RARB: variants seen among roughly 807,000 people sequenced by gnomAD.
The protein encoded by RARB is HBV-activated protein.
RARB carries 17 observed loss-of-function variants against 51.9 expected under a neutral mutation model. The ratio of observed to expected loss-of-function variants is 0.33; its 90% confidence interval spans 0.22 to 0.49. RARB has a LOEUF of 0.49. Among genes scored for constraint, RARB ranks in the 20% least tolerant of loss-of-function variants. The pLI is 0.99. For missense variants in RARB, 369 were observed against 550.8 expected (o/e 0.67, Z 3.30); for synonymous variants, 215 against 195.4 (o/e 1.10, Z -0.84).
At chr3:25,449,953 C>T (rs111266002) in intron 1 of RARB, among the ~76,000 whole-genome samples, 16,691 of 151,944 alleles carry the variant, frequency 0.11, 959 homozygotes, top group African/African-American at 0.14. Flanking sequence ...GGTTTCACTA[C>T]GTTGGCCAGG....
At chr3:25,270,942 C>G (rs868254414) in intron 5 of RARB, among the ~76,000 whole-genome samples, 1 of 152,352 alleles carries the variant, frequency 6.6e-6, no homozygotes, top group Non-Finnish European at 1.5e-5. Context: ...AGCCCCCAGT[C>G]TTCAGGCATT....
chr3:25,473,795 A>T (rs1271422292), intron 2 of RARB, among the ~76,000 whole-genome samples: 1 of 151,616 alleles, frequency 6.6e-6, no homozygotes. Flanking sequence ...TCAGGGCTTC[A>T]TGTAATGTTT....
chr3:24,962,548 G>C (rs192053213), intron 2 of RARB, among the ~76,000 whole-genome samples: 1 of 152,164 alleles, frequency 6.6e-6, no homozygotes, highest in South Asian at 2.1e-4. Flanking sequence ...GAACTAGGCC[G>C]CACAGCAGGA....
Position 25,448,860 on chromosome 3 carries a change from T to G in RARB, c.158-12333T>G, listed in dbSNP as rs535206655. On this transcript the variant is annotated intron_variant, in intron 1 of 7. Transcript: ENST00000330688. ...GGGCACAGTAAGGATGTTCAGTGTC[T>G]ACTTCAAGTTACTCCTCTCACCCCC... Among the ~76,000 whole-genome samples, 426 of 152,276 alleles carry G rather than the reference T, an allele frequency of 2.8e-3. 4 individuals are homozygous for G. The highest frequency in any genetic ancestry group is 0.01 in the Middle Eastern group (3 of 294).
At chr3:25,492,680 G>A (rs1393885871) in intron 2 of RARB, among the ~76,000 whole-genome samples, 1 of 151,612 alleles carries the variant, frequency 6.6e-6, no homozygotes, top group Non-Finnish European at 1.5e-5. Flanking sequence ...TAGCTTTACA[G>A]TGATGATGTT....
At chr3:25,317,256 C>G (rs1379974250) in intron 5 of RARB, among the ~76,000 whole-genome samples, 3 of 151,684 alleles carry the variant, frequency 2.0e-5, no homozygotes, top group African/African-American at 7.3e-5. Context: ...GGATCATTGG[C>G]TGATGACTAG....
At chr3:25,393,149 T>A (rs1390431764) in intron 5 of RARB, among the ~76,000 whole-genome samples, 1 of 152,156 alleles carries the variant, frequency 6.6e-6, no homozygotes, top group Non-Finnish European at 1.5e-5. Flanking sequence ...GAGATGACCA[T>A]GTCATTGTTG....
At chr3:25,197,146 C>T (rs1045232559) in intron 5 of RARB, among the ~76,000 whole-genome samples, 2 of 152,032 alleles carry the variant, frequency 1.3e-5, no homozygotes, top group Non-Finnish European at 2.9e-5. Context: ...CTTGCCCATG[C>T]CTATGTCCTG....
rs183599280 is a variant in RARB at position 25,335,768 on chromosome 3, A to G, written c.179-125425A>G. ...CTCTGTTTCTGCCTCTGACAACCTCATCTATTATGATCTCTGCTATATTCT... is the reference window on the plus strand; with the variant it reads ...CTCTGTTTCTGCCTCTGACAACCTCGTCTATTATGATCTCTGCTATATTCT... On this transcript the variant is annotated intron_variant, in intron 5 of 11. Transcript: ENST00000383772. Among the ~76,000 whole-genome samples the G allele has an allele frequency of 2.6e-5, 4 of 152,350 alleles. No individual in the cohort carries two copies. In the East Asian group the frequency reaches 7.7e-4, roughly 29 times the overall value.
At chr3:25,450,830 A>T (rs1190789770) in intron 1 of RARB, among the ~76,000 whole-genome samples, 2 of 152,162 alleles carry the variant, frequency 1.3e-5, no homozygotes, top group Non-Finnish European at 2.9e-5. Flanking sequence ...TCACGCCTGT[A>T]ATCTCAGCAC....
chr3:25,321,966 T>A (rs1159792861), intron 5 of RARB, among the ~76,000 whole-genome samples: 8 of 151,620 alleles, frequency 5.3e-5, no homozygotes, highest in Admixed American at 1.3e-4. Context: ...GAAGTTCATC[T>A]GAAAAAATTA....
chr3:25,486,135 A>G (rs949918485), intron 2 of RARB, among the ~76,000 whole-genome samples: 1 of 152,152 alleles, frequency 6.6e-6, no homozygotes, highest in Non-Finnish European at 1.5e-5. Flanking sequence ...AAGGGCCCAT[A>G]TTTGGGAGAC....
chr3:25,174,469 C>G (rs766058717), exon 5 of RARB: 15 of 1,352,038 alleles, frequency 1.1e-5, no homozygotes, highest in Middle Eastern at 4.2e-4. Flanking sequence ...CAGCCACACC[C>G]TACCCGTTAC....
chr3:25,268,180 C>G (rs552837958), intron 5 of RARB, among the ~76,000 whole-genome samples: 1 of 152,304 alleles, frequency 6.6e-6, no homozygotes, highest in South Asian at 2.1e-4. Flanking sequence ...CGGTAGATTT[C>G]TCCATCTCCA....
chr3:25,012,761 A>G (rs1027946096), intron 2 of RARB, among the ~76,000 whole-genome samples: 2 of 152,138 alleles, frequency 1.3e-5, no homozygotes, highest in Admixed American at 1.3e-4. Flanking sequence ...AGTGAGAGAT[A>G]TACAAAATTT....
intron 5 of RARB, among the ~76,000 whole-genome samples, chr3:25,210,553 T>TTTTTTTTTAGA (rs869216441): frequency 1.2e-5 from 1 of 82,498 alleles, no homozygotes; most frequent in African/African-American, 4.5e-5. Flanking sequence ...TTTTTTTTTT[T>TTTTTTTTTAGA]GAGATTGAGT....
At chr3:25,106,053 G>A (rs1009519312) in intron 3 of RARB, among the ~76,000 whole-genome samples, 3 of 152,150 alleles carry the variant, frequency 2.0e-5, no homozygotes, top group African/African-American at 7.2e-5. Context: ...AGACAGCAAG[G>A]ACTGTGAGCC....
chr3:25,284,193 C>G (rs746067218), intron 5 of RARB, among the ~76,000 whole-genome samples: 1 of 152,110 alleles, frequency 6.6e-6, no homozygotes, highest in African/African-American at 2.4e-5. Context: ...TCATGAGGAA[C>G]TGAATCCTGC....
At chr3:25,580,384 A>G (rs1382690966) in intron 4 of RARB, among the ~76,000 whole-genome samples, 162 bp from the exon 5 acceptor site, 1 of 152,222 alleles carries the variant, frequency 6.6e-6, no homozygotes, top group East Asian at 1.9e-4. Flanking sequence ...ACACACACAA[A>G]AAAAGGATGA....
Sources: gnomAD v4.1 joint callset for allele counts (sites outside exome capture counted in the v4.1 genomes callset) on GRCh38, gnomAD v4.1.1 for gene constraint, MANE v1.5 for transcripts, NCBI Gene and HGNC (gene_info 2026-07-23, HGNC 2026-07-21) for gene names.